TASOR: variants seen among roughly 807,000 people sequenced by gnomAD.
TASOR encodes transcription activation suppressor.
A neutral mutation model predicts 178.6 loss-of-function variants in TASOR; 53 were observed. That is an observed-to-expected ratio of 0.30 (90% CI 0.24 to 0.37). The LOEUF is 0.37. Ranked by LOEUF, TASOR falls within the 10% of genes least tolerant of loss-of-function variation. TASOR has a pLI of 1.00. For synonymous variants in TASOR, 713 were observed against 696.2 expected (o/e 1.02, Z -0.38); for missense variants, 1,815 against 1,971.4 (o/e 0.92, Z 1.50).
intron 1 of TASOR, among the ~76,000 whole-genome samples, chr3:56,678,243 G>A (rs1249288196): frequency 6.9e-6 from 1 of 144,100 alleles, no homozygotes; most frequent in Non-Finnish European, 1.5e-5. Context: ...GTGCAGTGGC[G>A]CGATCTTGGC....
chr3:56,656,651 C>T (rs1477127443), intron 11 of TASOR, among the ~76,000 whole-genome samples: 4 of 150,346 alleles, frequency 2.7e-5, no homozygotes, highest in Non-Finnish European at 5.9e-5. Flanking sequence ...AAATGTAAGA[C>T]AGCTGGGGAT....
intron 6 of TASOR, 146 bp from the exon 7 acceptor site, chr3:56,666,530 A>G: frequency 2.0e-6 from 1 of 493,076 alleles, no homozygotes; most frequent in Non-Finnish European, 3.4e-6. Flanking sequence ...ATTTAACTAA[A>G]ATAATTAGTA....
In TASOR at chr3:56,662,389, T is replaced by G. The variant is rs1397559249; in HGVS notation, c.1156A>C (p.Lys386Gln). ...RSATRAFLPI[K>Q]LPEKLDVETV... ...CTGCTCTTTACTTATACTTACAGTT[T>G]GATAGGCAAAAAAGCACGAGTGGCT... is the stretch of plus-strand genomic sequence containing the variant. Residue 386 changes from lysine (K) to glutamine (Q), a missense_variant, in exon 9 of 24, where the codon AAA becomes CAA. Lys to Gln is a moderately conservative substitution (Grantham distance 53). This residue lies in a region of TASOR where 504 missense variants were observed against 645.3 expected (regional missense o/e 0.78). Transcript: ENST00000683822. The G allele has an allele frequency of 6.5e-7, 1 of 1,534,446 alleles. No individual in the cohort carries two copies. The highest frequency in any genetic ancestry group is 1.4e-5 in the African/African-American group (1 of 72,556).
In TASOR at chr3:56,623,452, GTC is replaced by G; in HGVS notation, c.4596_4597del (p.Glu1532AspfsTer16). 1 of 1,613,386 alleles carries G rather than the reference GTC, an allele frequency of 6.2e-7. No homozygotes were observed. The highest frequency in any genetic ancestry group is 1.1e-5 in the South Asian group (1 of 91,056). On this transcript the variant is annotated frameshift_variant, in exon 24 of 24. Coordinates refer to ENST00000683822, the MANE Select transcript of TASOR (RefSeq NM_001365635.2). LOFTEE classifies it high-confidence loss of function. ...TTGATCTGTTCCACGTGATCCTTTGGTCTCTTTCTCCCATATTTCTGAATGAA... is the reference window on the plus strand; with the variant it reads ...TTGATCTGTTCCACGTGATCCTTTGGTCTTTCTCCCATATTTCTGAATGAA...
chr3:56,642,706 G>A (rs896101990), intron 14 of TASOR, among the ~76,000 whole-genome samples: 3 of 152,142 alleles, frequency 2.0e-5, no homozygotes, highest in Non-Finnish European at 2.9e-5. Context: ...CAGGCACGGT[G>A]GCTCATGCCT....
chr3:56,654,610 C>T (rs1399951428), intron 11 of TASOR, among the ~76,000 whole-genome samples: 1 of 152,188 alleles, frequency 6.6e-6, no homozygotes, highest in South Asian at 2.1e-4. Context: ...GATGAGTTTA[C>T]AACCAACAGA....
rs781755750 is a variant in TASOR, at chr3:56,648,784, T to A, written c.1513+38A>T. The A allele has an allele frequency of 3.5e-6, 5 of 1,449,066 alleles. No individual in the cohort carries two copies. In the South Asian group the frequency reaches 6.1e-5, roughly 18 times the overall value. The allele number at this position is 1,449,066 out of a possible 1,614,324, so 89.8% of individuals were successfully genotyped here. ...GAAAATTTCAATGAAATGTTAAGTA[T>A]CTATAAGTAACCAGATTTAGATATT... On this transcript the variant is annotated intron_variant, in intron 13 of 23. Coordinates refer to ENST00000683822, the MANE Select transcript of TASOR (RefSeq NM_001365635.2).
chr3:56,645,436 T>C (rs1019588480), intron 14 of TASOR, among the ~76,000 whole-genome samples: 3 of 152,170 alleles, frequency 2.0e-5, no homozygotes, highest in Non-Finnish European at 2.9e-5. Flanking sequence ...AAGAGACAAG[T>C]TGCTTAATAA....
chr3:56,651,516 A>G (rs940294308), intron 11 of TASOR, among the ~76,000 whole-genome samples: 1 of 152,112 alleles, frequency 6.6e-6, no homozygotes, highest in Non-Finnish European at 1.5e-5. Flanking sequence ...TTGGCAACAC[A>G]GCAAGACCCC....
chr3:56,644,786 G>GA (rs2077201390), intron 14 of TASOR, among the ~76,000 whole-genome samples: 1 of 152,056 alleles, frequency 6.6e-6, no homozygotes, highest in African/African-American at 2.4e-5. Context: ...GTTAACTAAA[G>GA]AAAAAATCAT....
intron 18 of TASOR, among the ~76,000 whole-genome samples, chr3:56,631,739 A>G (rs948889092): frequency 4.0e-5 from 6 of 151,736 alleles, no homozygotes; most frequent in African/African-American, 1.2e-4. Context: ...GCCTGCCCCC[A>G]TGCCCGGCTA....
intron 11 of TASOR, among the ~76,000 whole-genome samples, chr3:56,660,403 T>C (rs571840363): frequency 1.3e-5 from 2 of 150,730 alleles, no homozygotes; most frequent in East Asian, 2.0e-4. Flanking sequence ...GGCAGGAGAA[T>C]TGCTTGAACC....
intron 14 of TASOR, 119 bp downstream of exon 14, chr3:56,646,403 A>G: frequency 2.6e-6 from 2 of 774,566 alleles, no homozygotes; most frequent in Non-Finnish European, 2.0e-6. Flanking sequence ...AACTTTCTTT[A>G]CAAAAATAGT....
At chr3:56,634,050 G>C in intron 17 of TASOR, 84 bp from the exon 18 acceptor site, 1 of 1,084,950 alleles carries the variant, frequency 9.2e-7, no homozygotes, top group Non-Finnish European at 1.3e-6. Flanking sequence ...GGGGAAAAAA[G>C]GGTTAACACA....
intron 20 of TASOR, 92 bp downstream of exon 20, chr3:56,627,490 A>G: frequency 7.5e-7 from 1 of 1,327,808 alleles, no homozygotes; most frequent in Non-Finnish European, 1.1e-6. Flanking sequence ...GAAATGTACT[A>G]GTTATCTGTG....
At chr3:56,624,757 C>T in intron 22 of TASOR, 71 bp downstream of exon 22, 3 of 1,563,886 alleles carry the variant, frequency 1.9e-6, no homozygotes, top group South Asian at 2.4e-5. Flanking sequence ...CAATACCCAC[C>T]ACAGCCCCAT....
intron 1 of TASOR, among the ~76,000 whole-genome samples, chr3:56,680,802 A>G (rs935919028): frequency 2.6e-5 from 4 of 152,144 alleles, no homozygotes; most frequent in Non-Finnish European, 4.4e-5. Flanking sequence ...CCACTGCGAT[A>G]TATTTTCCTC....
chr3:56,653,451 CAA>C (rs1341273767), intron 11 of TASOR, among the ~76,000 whole-genome samples: 8 of 137,594 alleles, frequency 5.8e-5, no homozygotes, highest in Admixed American at 7.3e-5. Context: ...CATCAAAGAC[CAA>C]AAAAAAAAAA....
chr3:56,645,904 T>G (rs1314386614), intron 14 of TASOR, among the ~76,000 whole-genome samples: 1 of 152,188 alleles, frequency 6.6e-6, no homozygotes, highest in African/African-American at 2.4e-5. Flanking sequence ...ATCCCAGCAC[T>G]TTGGGAGGCC....
Sources: allele counts gnomAD v4.1 joint callset (sites outside exome capture counted in the v4.1 genomes callset), GRCh38; gene constraint gnomAD v4.1.1; regional missense constraint gnomAD v4.1.1; transcripts MANE v1.5; gene names NCBI Gene and HGNC (gene_info 2026-07-23, HGNC 2026-07-21).